GCNT4: variants seen among roughly 807,000 people sequenced by gnomAD.
The protein encoded by GCNT4 is glucosaminyl (N-acetyl) transferase 4.
Under a neutral mutation model 31.3 loss-of-function variants are expected in GCNT4, and 17 were observed. That is an observed-to-expected ratio of 0.54 (90% CI 0.37 to 0.81). The LOEUF is 0.81. Ranked by LOEUF, GCNT4 falls within the 40% of genes least tolerant of loss-of-function variation. The pLI is 0.00. For synonymous variants in GCNT4, 158 were observed against 190.6 expected (o/e 0.83, Z 1.41); for missense variants, 503 against 525.5 (o/e 0.96, Z 0.42).
chr5:75,039,533 T>TA (rs1743272575), intron 3 of GCNT4, among the ~76,000 whole-genome samples: 1 of 152,254 alleles, frequency 6.6e-6, no homozygotes, highest in African/African-American at 2.4e-5. Flanking sequence ...CCTTAGTTCA[T>TA]ATAGCTAGTA....
intron 3 of GCNT4, among the ~76,000 whole-genome samples, chr5:75,039,149 A>G (rs141234987): frequency 0.022 from 3,397 of 152,198 alleles, 39 homozygotes; most frequent in Middle Eastern, 0.078. Flanking sequence ...CAATGGCACA[A>G]TCTCGGCTCA....
chr5:75,018,559 T>TC, the GCNT4 span, among the ~76,000 whole-genome samples: 2 of 151,842 alleles, frequency 1.3e-5, no homozygotes, highest in Non-Finnish European at 2.9e-5. Context: ...GACCTCGTGA[T>TC]CCCCCCCAAA....
At chr5:75,046,703 A>T (rs935992360) in intron 3 of GCNT4, among the ~76,000 whole-genome samples, 25 of 152,334 alleles carry the variant, frequency 1.6e-4, no homozygotes, top group African/African-American at 4.8e-4. Flanking sequence ...CAACAAGAGA[A>T]GACGGGGTTG....
intron 3 of GCNT4, among the ~76,000 whole-genome samples, chr5:75,034,546 GT>G (rs1743155227): frequency 6.6e-6 from 1 of 152,242 alleles, no homozygotes; most frequent in Non-Finnish European, 1.5e-5. Context: ...GCAGGCAAGT[GT>G]TTTGCTGCCA....
At chr5:75,039,446 A>G (rs928921040) in intron 3 of GCNT4, among the ~76,000 whole-genome samples, 1 of 152,250 alleles carries the variant, frequency 6.6e-6, no homozygotes, top group Admixed American at 6.5e-5. Flanking sequence ...TCCATTCAGT[A>G]AATCTATGAG....
At chr5:75,041,647 C>G (rs559941394) in intron 3 of GCNT4, among the ~76,000 whole-genome samples, 1 of 152,272 alleles carries the variant, frequency 6.6e-6, no homozygotes, top group Non-Finnish European at 1.5e-5. Context: ...CACGCATAGA[C>G]CTCTCAAGGT....
At chr5:75,023,593 C>T (rs1303911715), downstream of GCNT4, among the ~76,000 whole-genome samples, 2 of 151,834 alleles carry the variant, frequency 1.3e-5, no homozygotes, top group Non-Finnish European at 2.9e-5. Context: ...TGTGGTATGA[C>T]CATTACATAG....
rs1742932189 is a variant in GCNT4 at position 75,025,508 on chromosome 5, AT to A, written c.*3167del. On this transcript the variant is annotated 3_prime_UTR_variant, in exon 4 of 4. Coordinates refer to ENST00000652361, the MANE Select transcript of GCNT4 (RefSeq NM_001366737.1). Reference sequence around the variant, plus strand: ...ATAGGAGATTTAGAGACCAGTCGATATAAATGTATAAAAAGCCCCCAAAACT... The same window carrying A: ...ATAGGAGATTTAGAGACCAGTCGATAAAATGTATAAAAAGCCCCCAAAACT... The A allele has an allele frequency of 6.6e-6, 1 of 152,246 alleles. No individual in the cohort carries two copies. Among genetic ancestry groups the A allele is most frequent in the African/African-American group, 2.4e-5 (1 of 41,470 alleles). The allele number at this position is 152,246 out of a possible 1,614,324, so 9.4% of individuals were successfully genotyped here.
At chr5:75,046,769 G>A (rs1339132329) in intron 3 of GCNT4, among the ~76,000 whole-genome samples, 1 of 152,180 alleles carries the variant, frequency 6.6e-6, no homozygotes, top group African/African-American at 2.4e-5. Flanking sequence ...AGGATTCCTG[G>A]GGAAGGAGTT....
intron 3 of GCNT4, among the ~76,000 whole-genome samples, chr5:75,040,086 A>G (rs1306582430): frequency 6.6e-6 from 1 of 152,076 alleles, no homozygotes; most frequent in East Asian, 1.9e-4. Context: ...GGATCTTTGC[A>G]ACTCCTGTTT....
At chr5:75,018,057 A>G in the GCNT4 span, among the ~76,000 whole-genome samples, 1 of 152,176 alleles carries the variant, frequency 6.6e-6, no homozygotes, top group East Asian at 1.9e-4. Flanking sequence ...TTCATTTTAA[A>G]AGACCCACAA....
chr5:75,029,709 C>T lies in GCNT4; in HGVS notation c.329G>A (p.Cys110Tyr). 6.2e-7 allele frequency: 1 copy of T among 1,614,130 alleles called. No individual in the cohort carries two copies. Among genetic ancestry groups the T allele is most frequent in the Non-Finnish European group, 8.5e-7 (1 of 1,180,018 alleles). ...ACCTCTTAGAGTCTGATAAATGTCA[C>T]AATCACTGGTCATTGCCACAACATC... ...DDDVVAMTSD[C>Y]DIYQTLRGYA... The change falls in exon 4 of 4, where the codon TGT becomes TAT. Residue 110 changes from cysteine to tyrosine, a missense_variant. Coordinates refer to ENST00000652361, the MANE Select transcript of GCNT4 (RefSeq NM_001366737.1).
intron 3 of GCNT4, among the ~76,000 whole-genome samples, chr5:75,046,877 C>T (rs59384623): frequency 0.094 from 14,274 of 152,212 alleles, 755 homozygotes; most frequent in African/African-American, 0.14. Flanking sequence ...CCCTTCGTGC[C>T]GTTTCTTAGA....
intron 3 of GCNT4, among the ~76,000 whole-genome samples, chr5:75,034,322 C>T (rs1417677670): frequency 7.2e-5 from 11 of 152,188 alleles, no homozygotes; most frequent in Admixed American, 7.2e-4. Flanking sequence ...GCAGCACAGC[C>T]CCAGGGGACA....
At chr5:75,052,990 C>T (rs564898189), upstream of GCNT4, 14 of 152,240 alleles carry the variant, frequency 9.2e-5, no homozygotes, top group East Asian at 2.7e-3. Context: ...GGGGAGAGTC[C>T]CGGGAAAGCC....
downstream of GCNT4, among the ~76,000 whole-genome samples, chr5:75,024,155 G>C (rs551881554): frequency 6.6e-6 from 1 of 152,110 alleles, no homozygotes; most frequent in Non-Finnish European, 1.5e-5. Context: ...CCCAATTTAG[G>C]TGTAGATTTG....
At position 75,030,010 on chromosome 5, in the gene GCNT4, G is replaced by A. The variant is rs1743027962; in HGVS notation, c.28C>T (p.His10Tyr). 2 of 1,599,650 alleles carry A rather than the reference G, an allele frequency of 1.3e-6. No individual in the cohort carries two copies. The highest frequency in any genetic ancestry group is 2.3e-5 in the South Asian group (2 of 88,024). Residue 10 changes from histidine to tyrosine, a missense_variant, in exon 4 of 4, where the codon CAT (histidine) becomes TAT (tyrosine). Coordinates refer to ENST00000652361, the MANE Select transcript of GCNT4 (RefSeq NM_001366737.1). MKIFKCYFKHTLQQKVFILF... is the reference protein window; with the variant it reads MKIFKCYFKYTLQQKVFILF... ...ATGAAAACTTTCTGCTGTAGGGTATGTTTAAAATAACATTTGAATATCTTC... is the reference window on the plus strand; with the variant it reads ...ATGAAAACTTTCTGCTGTAGGGTATATTTAAAATAACATTTGAATATCTTC...
upstream of GCNT4, among the ~76,000 whole-genome samples, chr5:75,053,134 G>A (rs376665354): frequency 6.3e-4 from 96 of 151,958 alleles, no homozygotes; most frequent in East Asian, 0.014. Context: ...TCCCCCCGCT[G>A]GCCTCGGGGA....
At chr5:75,053,769 A>G (rs1743645046), upstream of GCNT4, among the ~76,000 whole-genome samples, 1 of 152,052 alleles carries the variant, frequency 6.6e-6, no homozygotes, top group Non-Finnish European at 1.5e-5. Flanking sequence ...CTGCGCTCCC[A>G]GTCCCCGGGC....
Sources: allele counts gnomAD v4.1 joint callset (sites outside exome capture counted in the v4.1 genomes callset), GRCh38; gene constraint gnomAD v4.1.1; transcripts MANE v1.5; gene names NCBI Gene and HGNC (gene_info 2026-07-23, HGNC 2026-07-21).